Variants in FMNL3 observed in about 807,000 individuals in gnomAD.
The protein encoded by FMNL3 is formin like 3, also known as formin-like protein 3.
A neutral mutation model predicts 119.6 loss-of-function variants in FMNL3; 57 were observed. The observed-to-expected ratio is 0.48, with a 90% CI of 0.39 to 0.59. The LOEUF (loss-of-function observed/expected upper bound fraction) is 0.59. FMNL3 is among the 20% of genes least tolerant of loss of function. The probability of loss-of-function intolerance (pLI) is 0.00; values close to 1 mark genes in which losing one functional copy is unlikely to be tolerated. For missense variants in FMNL3, 1,053 were observed against 1,323.5 expected (o/e 0.80, Z 3.17); for synonymous variants, 491 against 507.3 (o/e 0.97, Z 0.43).
intron 1 of FMNL3, among the ~76,000 whole-genome samples, chr12:49,690,320 T>C (rs1011232950): frequency 6.6e-6 from 1 of 152,074 alleles, no homozygotes. Context: ...ACTTAATAAA[T>C]CATGAAAGAA....
At chr12:49,656,995 T>C in intron 7 of FMNL3, 87 bp downstream of exon 7, 1 of 1,547,518 alleles carries the variant, frequency 6.5e-7, no homozygotes, top group Non-Finnish European at 8.9e-7. Flanking sequence ...AAACCTGTCT[T>C]TTATAAGCTG....
At chr12:49,646,093 T>G (rs1458429346) in intron 25 of FMNL3, among the ~76,000 whole-genome samples, 190 bp from the exon 26 acceptor site, 1 of 152,036 alleles carries the variant, frequency 6.6e-6, no homozygotes, top group Non-Finnish European at 1.5e-5. Context: ...GCTTTGCATT[T>G]CAGAGGATCA....
Position 49,653,881 on chromosome 12 carries a change from G to T in FMNL3, c.1072-7C>A, listed in dbSNP as rs772547740. ...TCTCTGTGTGCCTTGACTTCTGGGG[G>T]AAGAGCAGAGAGTAGGAGTAGTTGT... is the stretch of plus-strand genomic sequence containing the variant. On this transcript the variant is annotated splice_region_variant and splice_polypyrimidine_tract_variant and intron_variant, in intron 11 of 25. Transcript: ENST00000335154. 1 of 1,613,942 alleles carries T rather than the reference G, an allele frequency of 6.2e-7. No homozygotes were observed. Among genetic ancestry groups the T allele is most frequent in the Non-Finnish European group, 8.5e-7 (1 of 1,179,930 alleles).
chr12:49,653,003 T>C (rs1186968962), intron 13 of FMNL3, among the ~76,000 whole-genome samples: 1 of 151,976 alleles, frequency 6.6e-6, no homozygotes, highest in African/African-American at 2.4e-5. Context: ...GCCCCAGCTG[T>C]TCCCACCCTC....
chr12:49,686,498 A>G (rs1944463688), intron 1 of FMNL3, among the ~76,000 whole-genome samples: 1 of 150,812 alleles, frequency 6.6e-6, no homozygotes, highest in Non-Finnish European at 1.5e-5. Flanking sequence ...GAATGGCATG[A>G]ACTCGGGAGG....
At chr12:49,646,834 C>T in intron 25 of FMNL3, 52 bp downstream of exon 25, 1 of 1,609,120 alleles carries the variant, frequency 6.2e-7, no homozygotes, top group Admixed American at 1.7e-5. Context: ...TTAGGTTGAG[C>T]TTTGGGAGCT....
Position 49,645,784 on chromosome 12 carries a change from G to A in FMNL3, c.*31C>T, listed in dbSNP as rs770161333. On this transcript the variant is annotated 3_prime_UTR_variant, in exon 26 of 26. Coordinates refer to ENST00000335154, the MANE Select transcript of FMNL3 (RefSeq NM_175736.5). The stretch of plus-strand genomic sequence containing the variant: ...ACTGGTTGGACTTGTAGGACTCTGA[G>A]GGGTGAAGTGCTTCTGCCTCCGAGA... 13 of 1,578,168 alleles carry A rather than the reference G, an allele frequency of 8.2e-6. No homozygotes were observed. Among genetic ancestry groups the A allele is most frequent in the Non-Finnish European group, 1.1e-5 (13 of 1,160,342 alleles).
chr12:49,647,482 AC>A lies in FMNL3; in HGVS notation c.2779-115del, dbSNP rs1943243178. Reference sequence around the variant, plus strand: ...TGGGACCCGCTAACTCCAGGTGGCCACCCTCTGGAGGGGCACTTCCTGCCCC... The same window carrying A: ...TGGGACCCGCTAACTCCAGGTGGCCACCTCTGGAGGGGCACTTCCTGCCCC... On this transcript the variant is annotated intron_variant, in intron 23 of 25. Coordinates refer to ENST00000335154, the MANE Select transcript of FMNL3 (RefSeq NM_175736.5). This position sits in a 1 kb window ranked among gnomAD's most constrained non-coding sequence, Gnocchi z 4.9. 8.2e-7 allele frequency: 1 copy of A among 1,225,256 alleles called. No homozygotes were observed. Among genetic ancestry groups the A allele is most frequent in the African/African-American group, 1.5e-5 (1 of 67,400 alleles). The allele number at this position is 1,225,256 out of a possible 1,614,324, so 75.9% of individuals were successfully genotyped here.
At position 49,642,516 on chromosome 12, in the gene FMNL3, A is replaced by C; in HGVS notation, c.*3299T>G. 1 of 1,592,464 alleles carries C rather than the reference A, an allele frequency of 6.3e-7. No individual in the cohort carries two copies. Among genetic ancestry groups the C allele is most frequent in the Non-Finnish European group, 8.6e-7 (1 of 1,161,318 alleles). On this transcript the variant is annotated 3_prime_UTR_variant, in exon 26 of 26. Transcript: ENST00000335154. This position sits in a 1 kb window ranked among gnomAD's most constrained non-coding sequence, Gnocchi z 5.8. Reference sequence around the variant, plus strand: ...TCTGCCCCAGCCCTGCCCTGTGCTCATGGCGGTGTCCAGGCCAGGCTGAGT... The same window carrying C: ...TCTGCCCCAGCCCTGCCCTGTGCTCCTGGCGGTGTCCAGGCCAGGCTGAGT...
chr12:49,679,517 GTCT>G (rs1265891286), intron 1 of FMNL3, among the ~76,000 whole-genome samples: 2 of 127,672 alleles, frequency 1.6e-5, no homozygotes, highest in African/African-American at 2.9e-5. Context: ...CAGCATTTGT[GTCT>G]TTTTTTTTTT....
chr12:49,684,186 C>T (rs1035212968), intron 1 of FMNL3, among the ~76,000 whole-genome samples: 1 of 152,216 alleles, frequency 6.6e-6, no homozygotes, highest in Non-Finnish European at 1.5e-5. Flanking sequence ...TTGCTGAGTG[C>T]ATGAGTACTA....
rs1592626120 is a variant in FMNL3 at position 49,643,485 on chromosome 12, T to A, written c.*2330A>T. 1 of 1,477,070 alleles carries A rather than the reference T, an allele frequency of 6.8e-7. No individual in the cohort carries two copies. The highest frequency in any genetic ancestry group is 9.1e-7 in the Non-Finnish European group (1 of 1,099,408). 91.5% of individuals were successfully genotyped at this position (1,477,070 alleles called of 1,614,324 possible). On this transcript the variant is annotated 3_prime_UTR_variant, in exon 26 of 26. Transcript: ENST00000335154. Reference sequence around the variant, plus strand: ...CCACAAGCCCCAGCTCCTTTGAGGGTAGACTGGATTGGGAGGGCTGCACCT... The same window carrying A: ...CCACAAGCCCCAGCTCCTTTGAGGGAAGACTGGATTGGGAGGGCTGCACCT...
At chr12:49,654,411 G>C in intron 10 of FMNL3, 109 bp from the exon 11 acceptor site, 6 of 797,566 alleles carry the variant, frequency 7.5e-6, no homozygotes, top group Non-Finnish European at 1.2e-5. Context: ...GATAATTACA[G>C]GGAGTCAATT....
chr12:49,705,204 G>A (rs1945015482), intron 1 of FMNL3, among the ~76,000 whole-genome samples: 1 of 152,126 alleles, frequency 6.6e-6, no homozygotes, highest in Non-Finnish European at 1.5e-5. Context: ...ACAGAAACAA[G>A]ACCAAAACAA....
chr12:49,668,139 G>A (rs1943940795), intron 2 of FMNL3, among the ~76,000 whole-genome samples: 3 of 152,310 alleles, frequency 2.0e-5, no homozygotes, highest in South Asian at 2.1e-4. Context: ...AAGACAGAGT[G>A]AGAGATCAAC....
chr12:49,648,501 G>A, intron 21 of FMNL3, 148 bp from the exon 22 acceptor site: 1 of 787,790 alleles, frequency 1.3e-6, no homozygotes, highest in Non-Finnish European at 1.9e-6. Flanking sequence ...TACACACCAA[G>A]CTAGCTGATC....
intron 1 of FMNL3, among the ~76,000 whole-genome samples, chr12:49,705,266 T>A (rs1945016928): frequency 6.6e-6 from 1 of 152,180 alleles, no homozygotes; most frequent in Admixed American, 6.5e-5. Flanking sequence ...GGCATGCAAG[T>A]GGGTGGTCCA....
intron 1 of FMNL3, among the ~76,000 whole-genome samples, chr12:49,692,762 G>A (rs1944640099): frequency 6.6e-6 from 1 of 152,088 alleles, no homozygotes; most frequent in African/African-American, 2.4e-5. Context: ...AACAATCTGG[G>A]AGATGCATAA....
intron 22 of FMNL3, 121 bp downstream of exon 22, chr12:49,648,072 T>C (rs1943265724): frequency 1.0e-5 from 13 of 1,266,110 alleles, no homozygotes; most frequent in East Asian, 2.5e-5. Flanking sequence ...GCGCTCTCTC[T>C]CCCCTACATG....
Sources: gnomAD v4.1 joint callset for allele counts (sites outside exome capture counted in the v4.1 genomes callset) on GRCh38, gnomAD v4.1.1 for gene constraint, Gnocchi (gnomAD v3.1) non-coding constraint, MANE v1.5 for transcripts, NCBI Gene and HGNC (gene_info 2026-07-23, HGNC 2026-07-21) for gene names.